GRID2: variants seen among roughly 807,000 people sequenced by gnomAD.
GRID2 encodes the protein glutamate ionotropic receptor delta type subunit 2.
Under a neutral mutation model 114.8 loss-of-function variants are expected in GRID2, and 33 were observed. The observed-to-expected ratio is 0.29, with a 90% CI of 0.22 to 0.38. GRID2 has a LOEUF of 0.38. Among genes scored for constraint, GRID2 ranks in the 10% least tolerant of loss-of-function variants. The probability of loss-of-function intolerance (pLI) is 1.00; values close to 1 mark genes in which losing one functional copy is unlikely to be tolerated. For synonymous variants in GRID2, 505 were observed against 449.9 expected, an observed-to-expected ratio of 1.12 and a Z score of -1.55; for missense variants, 1,184 against 1,257.7, an observed-to-expected ratio of 0.94 and a Z score of 0.89.
intron 4 of GRID2, among the ~76,000 whole-genome samples, chr4:93,168,736 T>A (rs1057259730): frequency 1.3e-5 from 2 of 152,020 alleles, no homozygotes; most frequent in Non-Finnish European, 2.9e-5. Flanking sequence ...ATACTCATTT[T>A]TTAAGGAATC....
chr4:93,751,691 A>G (rs1434790590), intron 14 of GRID2, among the ~76,000 whole-genome samples: 1 of 152,102 alleles, frequency 6.6e-6, no homozygotes, highest in Non-Finnish European at 1.5e-5. Context: ...CCTCACCCCA[A>G]ATCACATTCT....
At position 93,086,033 on chromosome 4, in the gene GRID2, C is replaced by T. The variant is rs372817625; in HGVS notation, c.529+754C>T. Among the ~76,000 whole-genome samples, 7 of 151,954 alleles carry T rather than the reference C, an allele frequency of 4.6e-5. No homozygotes were observed. In the South Asian group the frequency reaches 1.5e-3, roughly 32 times the overall value. ...TTTATCTACCTTTTTTCTAACTGAC[C>T]GATCCCCAATATCTTAATCTATAGA... On this transcript the variant is annotated intron_variant, in intron 3 of 15. Coordinates refer to ENST00000282020, the MANE Select transcript of GRID2 (RefSeq NM_001510.4).
At position 93,395,636 on chromosome 4, in the gene GRID2, G is replaced by C. The variant is rs2149330088; in HGVS notation, c.1275G>C (p.Leu425=). The C allele has an allele frequency of 6.3e-7, 1 of 1,580,458 alleles. No homozygotes were observed. Among genetic ancestry groups the C allele is most frequent in the Admixed American group, 1.7e-5 (1 of 59,854 alleles). ...KLGCWNPVTG[L]NGSLTDKKLE... ...GTTGCTGGAATCCTGTCACAGGTCT[G>C]AATGGGTCACTGACTGACAAGAAAT... Residue 425 remains leucine (L), a synonymous_variant, in exon 9 of 16, where the codon CTG becomes CTC. Transcript: ENST00000282020.
In GRID2 at chr4:92,511,526, C is replaced by G. The variant is rs183583100; in HGVS notation, c.89-78605C>G. Among the ~76,000 whole-genome samples, 379 of 151,968 alleles carry G rather than the reference C, an allele frequency of 2.5e-3. 4 individuals are homozygous for G. Among genetic ancestry groups the G allele is most frequent in the Non-Finnish European group, 3.6e-3 (244 of 67,888 alleles). ...GTTACATCTAAACTATAAATACAAACTGGTACTCTTTCAGGAAACCTGGAA... is the reference window on the plus strand; with the variant it reads ...GTTACATCTAAACTATAAATACAAAGTGGTACTCTTTCAGGAAACCTGGAA... On this transcript the variant is annotated intron_variant, in intron 1 of 15. Coordinates refer to ENST00000282020, the MANE Select transcript of GRID2 (RefSeq NM_001510.4).
intron 2 of GRID2, among the ~76,000 whole-genome samples, chr4:92,725,991 TATTG>T (rs1367650336): frequency 6.6e-6 from 1 of 151,962 alleles, no homozygotes; most frequent in Non-Finnish European, 1.5e-5. Flanking sequence ...TAGGTGAAAA[TATTG>T]AGTACAACAT....
At chr4:93,094,472 A>G (rs1233343103) in intron 3 of GRID2, among the ~76,000 whole-genome samples, 1 of 152,052 alleles carries the variant, frequency 6.6e-6, no homozygotes, top group Non-Finnish European at 1.5e-5. Flanking sequence ...TCAGTCCAGT[A>G]TTCTCTCTGC....
At chr4:93,520,417 TG>T (rs1323336061) in intron 13 of GRID2, among the ~76,000 whole-genome samples, 1 of 151,894 alleles carries the variant, frequency 6.6e-6, no homozygotes, top group Non-Finnish European at 1.5e-5. Context: ...GAGAAACTGA[TG>T]TTTGAATGGA....
At chr4:92,585,088 G>C (rs1409689352) in intron 1 of GRID2, among the ~76,000 whole-genome samples, 1 of 151,876 alleles carries the variant, frequency 6.6e-6, no homozygotes, top group Non-Finnish European at 1.5e-5. Flanking sequence ...TTGTTAAAGA[G>C]CACAGTGGCT....
chr4:92,462,500 T>A (rs1721548189), intron 1 of GRID2, among the ~76,000 whole-genome samples: 1 of 152,018 alleles, frequency 6.6e-6, no homozygotes, highest in Non-Finnish European at 1.5e-5. Context: ...GAAAATAAAG[T>A]TAGTGTTCTC....
intron 2 of GRID2, among the ~76,000 whole-genome samples, chr4:93,006,192 T>C (rs1370706061): frequency 2.0e-5 from 3 of 152,040 alleles, no homozygotes; most frequent in African/African-American, 7.2e-5. Context: ...ATAACTAAAA[T>C]ACATTCAATA....
At chr4:93,743,432 G>T (rs1174399222) in intron 14 of GRID2, among the ~76,000 whole-genome samples, 1 of 152,168 alleles carries the variant, frequency 6.6e-6, no homozygotes, top group Non-Finnish European at 1.5e-5. Flanking sequence ...AGCTGTCTTA[G>T]TCTGTTTTGC....
intron 2 of GRID2, among the ~76,000 whole-genome samples, chr4:93,032,449 T>C (rs1461113851): frequency 2.0e-5 from 3 of 152,288 alleles, no homozygotes; most frequent in Middle Eastern, 3.4e-3. Flanking sequence ...AAATATGATA[T>C]TGAATTTTTG....
chr4:93,125,952 CAG>C (rs1244653625), intron 4 of GRID2, among the ~76,000 whole-genome samples: 1 of 152,132 alleles, frequency 6.6e-6, no homozygotes, highest in African/African-American at 2.4e-5. Context: ...GGCTGTTTTA[CAG>C]AGTTTTAAAA....
chr4:93,080,932 G>C (rs1729804840), intron 2 of GRID2, among the ~76,000 whole-genome samples: 1 of 152,172 alleles, frequency 6.6e-6, no homozygotes, highest in Non-Finnish European at 1.5e-5. Flanking sequence ...GAGAGGGCAA[G>C]AGAAAGCCAA....
intron 1 of GRID2, among the ~76,000 whole-genome samples, chr4:92,578,339 A>G (rs570891503): frequency 1.0e-4 from 13 of 130,420 alleles, no homozygotes; most frequent in Admixed American, 8.3e-4. Flanking sequence ...TCATTGTTCA[A>G]TTCCCACCTA....
chr4:92,483,684 G>A (rs932651239), intron 1 of GRID2, among the ~76,000 whole-genome samples: 9 of 152,078 alleles, frequency 5.9e-5, no homozygotes, highest in Admixed American at 2.0e-4. Flanking sequence ...AAGTAGATAC[G>A]GAAGGTGTAA....
chr4:92,736,656 T>C (rs950525064), intron 2 of GRID2, among the ~76,000 whole-genome samples: 21 of 152,108 alleles, frequency 1.4e-4, no homozygotes, highest in African/African-American at 4.6e-4. Context: ...GTTCTAAATA[T>C]TTACTCTTCT....
chr4:93,265,239 T>C (rs1179375472), intron 8 of GRID2, among the ~76,000 whole-genome samples: 4 of 151,882 alleles, frequency 2.6e-5, no homozygotes, highest in Admixed American at 2.6e-4. Context: ...AGTTGAGACA[T>C]AAAAAATCTG....
chr4:93,382,958 A>G (rs1241159830), intron 8 of GRID2, among the ~76,000 whole-genome samples: 1 of 151,822 alleles, frequency 6.6e-6, no homozygotes. Flanking sequence ...TGTGCAAAGG[A>G]TCAATCTGAG....
Sources: allele counts gnomAD v4.1 joint callset (sites outside exome capture counted in the v4.1 genomes callset), GRCh38; gene constraint gnomAD v4.1.1; transcripts MANE v1.5; gene names NCBI Gene and HGNC (gene_info 2026-07-23, HGNC 2026-07-21).